The following MAMDC2 variants were observed in gnomAD, a reference collection of about 807,000 sequenced individuals.
The protein encoded by MAMDC2 is MAM domain containing 2.
A neutral mutation model predicts 89.8 loss-of-function variants in MAMDC2; 57 were observed. That is an observed-to-expected ratio of 0.63 (90% CI 0.51 to 0.79). The LOEUF (loss-of-function observed/expected upper bound fraction) is 0.79. Among genes scored for constraint, MAMDC2 ranks in the 30% least tolerant of loss-of-function variants. The probability of loss-of-function intolerance (pLI) is 0.00; values close to 1 mark genes in which losing one functional copy is unlikely to be tolerated. For synonymous variants in MAMDC2, 313 were observed against 293.4 expected (o/e 1.07, Z -0.68); for missense variants, 800 against 820.6 (o/e 0.97, Z 0.31).
chr9:70,106,154 G>A (rs1828335145), intron 2 of MAMDC2: 1 of 152,158 alleles, frequency 6.6e-6, no homozygotes, highest in Admixed American at 6.5e-5. Flanking sequence ...AGATATCCAG[G>A]TGACTCTGGG....
At chr9:70,118,040 AAG>A (rs2030088147) in intron 5 of MAMDC2, among the ~76,000 whole-genome samples, 1 of 152,220 alleles carries the variant, frequency 6.6e-6, no homozygotes, top group Non-Finnish European at 1.5e-5. Context: ...CCAGATGCAT[AAG>A]GGGGAGACAA....
At position 70,044,227 on chromosome 9, in the gene MAMDC2, G is replaced by C. The variant is rs139971497; in HGVS notation, c.30G>C (p.Leu10Phe). MLLRGVLLA[L>F]QALQLAGALD... ...TGTTAAGGGGCGTCCTCCTGGCGTT[G>C]CAAGGTAAGGCCTGGACCCCGGGAC... Residue 10 changes from leucine to phenylalanine, a missense_variant, in exon 1 of 14, where the codon TTG becomes TTC. Leu to Phe is a conservative substitution (Grantham distance 22, BLOSUM62 0). Transcript: ENST00000377182. The C allele has an allele frequency of 2.9e-4, 472 of 1,613,094 alleles. 1 individual carries two copies. In the African/African-American group the frequency reaches 5.5e-3, roughly 19 times the overall value.
chr9:70,045,152 G>T (rs1826716374), intron 2 of MAMDC2, among the ~76,000 whole-genome samples: 1 of 152,228 alleles, frequency 6.6e-6, no homozygotes, highest in South Asian at 2.1e-4. Context: ...TGGGACGTCA[G>T]TGCTAAGACA....
At chr9:70,062,712 A>T (rs1827176366) in intron 2 of MAMDC2, 2 of 152,188 alleles carry the variant, frequency 1.3e-5, no homozygotes, top group Non-Finnish European at 2.9e-5. Context: ...TGGCCTTCTT[A>T]ACTGGATCAC....
intron 9 of MAMDC2, among the ~76,000 whole-genome samples, chr9:70,144,192 C>T (rs1373611100): frequency 2.0e-5 from 3 of 152,160 alleles, no homozygotes; most frequent in African/African-American, 7.2e-5. Context: ...CATACACACA[C>T]TAGTGGGAAT....
intron 12 of MAMDC2, among the ~76,000 whole-genome samples, chr9:70,220,097 G>GAATCT (rs1391516694): frequency 6.6e-6 from 1 of 152,134 alleles, no homozygotes; most frequent in Non-Finnish European, 1.5e-5. Context: ...TAGACTAAAT[G>GAATCT]AATCTAAATC....
chr9:70,174,783 G>GGTGT (rs1366092234), intron 11 of MAMDC2, among the ~76,000 whole-genome samples: 1 of 149,558 alleles, frequency 6.7e-6, no homozygotes, highest in African/African-American at 2.5e-5. Context: ...GGAGTGCTGT[G>GGTGT]GTGTGATCTC....
intron 11 of MAMDC2, among the ~76,000 whole-genome samples, chr9:70,212,396 C>T (rs1394639525): frequency 2.0e-5 from 3 of 152,214 alleles, no homozygotes; most frequent in Non-Finnish European, 4.4e-5. Flanking sequence ...TAGCAGTGAG[C>T]GAGGCTCTGT....
chr9:70,132,368 G>A (rs984183829), intron 7 of MAMDC2, among the ~76,000 whole-genome samples: 6 of 152,148 alleles, frequency 3.9e-5, no homozygotes, highest in Admixed American at 3.9e-4. Context: ...GAGACCAAGG[G>A]AGACATTATG....
chr9:70,194,430 C>T lies in MAMDC2; in HGVS notation c.1651+23799C>T, dbSNP rs1392635204. 2.6e-5 allele frequency: 4 copies of T among 152,206 alleles called. 1 individual carries two copies. In the South Asian group the frequency reaches 6.2e-4, roughly 24 times the overall value. The allele number at this position is 152,206 out of a possible 1,614,324, so 9.4% of individuals were successfully genotyped here. ...TGTAAAAGAGGTTTCACGCAGCATT[C>T]GACTCTCTTGCCTTTATGCCATCCA... On this transcript the variant is annotated intron_variant, in intron 11 of 13. Coordinates refer to ENST00000377182, the MANE Select transcript of MAMDC2 (RefSeq NM_153267.5).
intron 2 of MAMDC2, among the ~76,000 whole-genome samples, chr9:70,069,376 T>C (rs1018922046): frequency 6.6e-6 from 1 of 152,238 alleles, no homozygotes; most frequent in Non-Finnish European, 1.5e-5. Context: ...AACTTTCTTA[T>C]GCAGCTGTTA....
At chr9:70,066,579 ACTG>A (rs747773958) in intron 2 of MAMDC2, among the ~76,000 whole-genome samples, 4 of 152,166 alleles carry the variant, frequency 2.6e-5, no homozygotes, top group Non-Finnish European at 5.9e-5. Context: ...AGGAAGGGTT[ACTG>A]CAGGGCCATG....
chr9:70,072,589 C>T (rs1018421217), intron 2 of MAMDC2, among the ~76,000 whole-genome samples: 2 of 152,028 alleles, frequency 1.3e-5, no homozygotes, highest in African/African-American at 4.8e-5. Flanking sequence ...TTATTATCCC[C>T]ACCGATAGAT....
At chr9:70,084,171 G>T (rs1827716014) in intron 2 of MAMDC2, among the ~76,000 whole-genome samples, 1 of 152,024 alleles carries the variant, frequency 6.6e-6, no homozygotes, top group South Asian at 2.1e-4. Flanking sequence ...TGTGAGACGG[G>T]AGACTCATAA....
chr9:70,061,547 G>C (rs1827151146), intron 2 of MAMDC2, among the ~76,000 whole-genome samples: 1 of 152,076 alleles, frequency 6.6e-6, no homozygotes. Flanking sequence ...GAAATGCTCT[G>C]CACATAACAA....
Position 70,187,492 on chromosome 9 carries a change from A to G in MAMDC2, c.1651+16861A>G, listed in dbSNP as rs114739467. ...TTCCAAATAATTCATTTTTTAAAGT[A>G]TATAATTCATTGGTTTTAAATATAC... On this transcript the variant is annotated intron_variant, in intron 11 of 13. Coordinates refer to ENST00000377182, the MANE Select transcript of MAMDC2 (RefSeq NM_153267.5). Among the ~76,000 whole-genome samples, 1,038 of 152,224 alleles carry G rather than the reference A, an allele frequency of 6.8e-3. 8 individuals carry two copies. The highest frequency in any genetic ancestry group is 0.024 in the African/African-American group (995 of 41,530).
intron 11 of MAMDC2, chr9:70,172,081 A>C (rs1047266952): frequency 2.6e-5 from 4 of 152,228 alleles, no homozygotes; most frequent in Non-Finnish European, 5.9e-5. Context: ...CTTCAAACAT[A>C]AAGATCCTCT....
At chr9:70,100,004 G>GAGAGAC (rs1828132813) in intron 2 of MAMDC2, among the ~76,000 whole-genome samples, 1 of 149,060 alleles carries the variant, frequency 6.7e-6, no homozygotes. Context: ...GAGAGAGAGA[G>GAGAGAC]AGAGAGAGAG....
intron 11 of MAMDC2, among the ~76,000 whole-genome samples, chr9:70,179,429 C>T (rs1409572434): frequency 2.0e-5 from 3 of 151,242 alleles, no homozygotes; most frequent in Non-Finnish European, 2.9e-5. Flanking sequence ...AAGACTGAGG[C>T]AGGAGAATGG....
Sources: gnomAD v4.1 joint callset for allele counts (sites outside exome capture counted in the v4.1 genomes callset) on GRCh38, gnomAD v4.1.1 for gene constraint, MANE v1.5 for transcripts, NCBI Gene and HGNC (gene_info 2026-07-23, HGNC 2026-07-21) for gene names.